The following RNGTT variants were observed in gnomAD, a reference collection of about 807,000 sequenced individuals.
The protein encoded by RNGTT is RNA guanylyltransferase and 5'-phosphatase, also known as mRNA-capping enzyme.
A neutral mutation model predicts 79.3 loss-of-function variants in RNGTT; 33 were observed. That is an observed-to-expected ratio of 0.42 (90% CI 0.32 to 0.56). The LOEUF is 0.56. Among genes scored for constraint, RNGTT ranks in the 20% least tolerant of loss-of-function variants. The pLI, the probability that RNGTT is intolerant of heterozygous loss-of-function variation, is 0.17. For missense variants in RNGTT, 497 were observed against 739.1 expected (o/e 0.67, Z 3.80); for synonymous variants, 222 against 235.9 (o/e 0.94, Z 0.54).
intron 11 of RNGTT, among the ~76,000 whole-genome samples, chr6:88,818,845 TTA>T: frequency 6.6e-6 from 1 of 152,228 alleles, no homozygotes. Context: ...AATTTAATCA[TTA>T]TGTTTTTTCT....
intron 12 of RNGTT, among the ~76,000 whole-genome samples, chr6:88,791,816 G>A (rs1050202896): frequency 6.6e-6 from 1 of 152,202 alleles, no homozygotes; most frequent in Non-Finnish European, 1.5e-5. Flanking sequence ...TGCGATTACA[G>A]GCGGGAGCCA....
In RNGTT at chr6:88,929,962, A is replaced by G. The variant is rs189612138; in HGVS notation, c.175-695T>C. Among the ~76,000 whole-genome samples, 180 of 149,218 alleles carry G rather than the reference A, an allele frequency of 1.2e-3. 1 individual carries two copies. Among genetic ancestry groups the G allele is most frequent in the African/African-American group, 4.3e-3 (173 of 40,460 alleles). ...CATATGCATATACACACGTATATAC[A>G]TATGTATACATGCATATGTGCATAT... On this transcript the variant is annotated intron_variant, in intron 2 of 15. Transcript: ENST00000369485.
chr6:88,894,768 C>T (rs1428157758), intron 6 of RNGTT, among the ~76,000 whole-genome samples: 1 of 152,100 alleles, frequency 6.6e-6, no homozygotes, highest in East Asian at 1.9e-4. Flanking sequence ...ATGGAAAGAT[C>T]ACTAATTCTA....
At chr6:88,878,519 A>G (rs563307947) in intron 8 of RNGTT, among the ~76,000 whole-genome samples, 356 of 152,322 alleles carry the variant, frequency 2.3e-3, no homozygotes, top group Non-Finnish European at 4.5e-3. Flanking sequence ...AGACACCTCC[A>G]CAAAAACTCT....
chr6:88,836,205 C>T (rs1354777283), intron 11 of RNGTT, among the ~76,000 whole-genome samples: 1 of 150,522 alleles, frequency 6.6e-6, no homozygotes. Context: ...TTAAATTTCC[C>T]TCTGAAATGA....
intron 14 of RNGTT, among the ~76,000 whole-genome samples, chr6:88,649,842 G>A (rs781503543): frequency 1.3e-5 from 2 of 152,220 alleles, no homozygotes; most frequent in African/African-American, 2.4e-5. Context: ...AGAGGTGGAT[G>A]TTAACTGTCC....
intron 11 of RNGTT, among the ~76,000 whole-genome samples, chr6:88,806,607 AC>A (rs1405007955): frequency 6.6e-6 from 1 of 151,944 alleles, no homozygotes; most frequent in Non-Finnish European, 1.5e-5. Context: ...GGGCCACCGC[AC>A]CCGGCCTGAA....
At chr6:88,650,819 AAAC>A (rs1482706623) in intron 14 of RNGTT, among the ~76,000 whole-genome samples, 11 of 152,226 alleles carry the variant, frequency 7.2e-5, no homozygotes, top group Non-Finnish European at 1.2e-4. Context: ...AGTAAAAGAA[AAAC>A]AACAAGTAGG....
intron 13 of RNGTT, among the ~76,000 whole-genome samples, chr6:88,758,167 G>C (rs12207694): frequency 0.013 from 1,951 of 152,186 alleles, 16 homozygotes; most frequent in Non-Finnish European, 0.019. Context: ...CCTCGTAAGA[G>C]AGAGAAAAAC....
intron 13 of RNGTT, among the ~76,000 whole-genome samples, chr6:88,701,136 A>T (rs1011622971): frequency 6.6e-6 from 1 of 152,072 alleles, no homozygotes; most frequent in Non-Finnish European, 1.5e-5. Flanking sequence ...AAGAAGAAAG[A>T]ATAAAGAAGA....
At chr6:88,898,541 G>A (rs143367751) in intron 6 of RNGTT, among the ~76,000 whole-genome samples, 1 of 151,070 alleles carries the variant, frequency 6.6e-6, no homozygotes, top group African/African-American at 2.4e-5. Flanking sequence ...GTCTTCTAAA[G>A]AAAGGTTCTA....
chr6:88,629,056 T>G (rs543375338), intron 14 of RNGTT, among the ~76,000 whole-genome samples: 14 of 152,098 alleles, frequency 9.2e-5, no homozygotes, highest in Non-Finnish European at 2.1e-4. Flanking sequence ...CATGTGTTGG[T>G]CAATACTAGT....
In RNGTT at chr6:88,891,537, A is replaced by T. The variant is rs977236859; in HGVS notation, c.794+269T>A. On this transcript the variant is annotated intron_variant, in intron 7 of 15. Transcript: ENST00000369485. ...AAATTGAGAGACTAGCTCAAACATT[A>T]ATCAGTAGCAGTAGAGTCAAAGACA... Among the ~76,000 whole-genome samples, 9 of 152,288 alleles carry T rather than the reference A, an allele frequency of 5.9e-5. No homozygotes were observed. The East Asian group carries it at 1.7e-3, about 29-fold the overall frequency.
chr6:88,708,939 T>C (rs1207777551), intron 13 of RNGTT, among the ~76,000 whole-genome samples: 1 of 152,064 alleles, frequency 6.6e-6, no homozygotes, highest in Non-Finnish European at 1.5e-5. Context: ...ACACATAGTA[T>C]TATTCATATT....
At chr6:88,679,456 T>C (rs914451865) in intron 13 of RNGTT, among the ~76,000 whole-genome samples, 7 of 152,206 alleles carry the variant, frequency 4.6e-5, no homozygotes, top group Non-Finnish European at 7.3e-5. Context: ...AAATTAACCA[T>C]GAAGAATTTC....
In RNGTT at chr6:88,610,762, TAA is replaced by T. The variant is rs561759572; in HGVS notation, c.*1955_*1956del. Reference sequence around the variant, plus strand: ...TTAAAAGTGAGATGCTCTTTTCACGTAACTCATTTGAAAGGTTACAATTACCA... The same window carrying T: ...TTAAAAGTGAGATGCTCTTTTCACGTCTCATTTGAAAGGTTACAATTACCA... On this transcript the variant is annotated 3_prime_UTR_variant, in exon 16 of 16. Coordinates refer to ENST00000369485, the MANE Select transcript of RNGTT (RefSeq NM_003800.5). The T allele has an allele frequency of 3.9e-5, 6 of 152,232 alleles. No homozygotes were observed. Among genetic ancestry groups the T allele is most frequent in the Admixed American group, 2.6e-4 (4 of 15,282 alleles). The allele number at this position is 152,232 out of a possible 1,614,324, so 9.4% of individuals were successfully genotyped here.
intron 13 of RNGTT, among the ~76,000 whole-genome samples, chr6:88,731,710 T>G (rs934596765): frequency 2.6e-5 from 4 of 152,054 alleles, no homozygotes; most frequent in African/African-American, 9.7e-5. Context: ...ATATATCCAA[T>G]AAAGGTTTAA....
At chr6:88,827,303 C>T (rs1780701722) in intron 11 of RNGTT, among the ~76,000 whole-genome samples, 1 of 152,128 alleles carries the variant, frequency 6.6e-6, no homozygotes, top group Admixed American at 6.5e-5. Flanking sequence ...GCACTCTCTC[C>T]CCTAGCCAAG....
intron 11 of RNGTT, among the ~76,000 whole-genome samples, chr6:88,841,877 C>T (rs1361707992): frequency 1.3e-5 from 2 of 152,126 alleles, no homozygotes; most frequent in African/African-American, 4.8e-5. Context: ...CCAAATGTGC[C>T]CCCTTATCCC....
Sources: gnomAD v4.1 joint callset for allele counts (sites outside exome capture counted in the v4.1 genomes callset) on GRCh38, gnomAD v4.1.1 for gene constraint, MANE v1.5 for transcripts, NCBI Gene and HGNC (gene_info 2026-07-23, HGNC 2026-07-21) for gene names.